NDUFAF6: variants seen among roughly 807,000 people sequenced by gnomAD.
NDUFAF6 encodes NADH:ubiquinone oxidoreductase complex assembly factor 6, also known as NADH dehydrogenase (ubiquinone) complex I, assembly factor 6.
Under a neutral mutation model 40.8 loss-of-function variants are expected in NDUFAF6, and 45 were observed. The ratio of observed to expected loss-of-function variants is 1.10; its 90% CI spans 0.87 to 1.42. The LOEUF is 1.42. NDUFAF6 is among the 40% of genes most tolerant of loss of function. The pLI is 0.00. For missense variants in NDUFAF6, 435 were observed against 418.5 expected (o/e 1.04, Z -0.34); for synonymous variants, 185 against 155.9 (o/e 1.19, Z -1.39).
chr8:94,955,223 C>T, upstream of NDUFAF6, among the ~76,000 whole-genome samples: 1 of 152,206 alleles, frequency 6.6e-6, no homozygotes, highest in East Asian at 1.9e-4. Context: ...GTTGCTATAA[C>T]AGAATACCTG....
At chr8:95,097,052 GCACACTCTCTGGGCCCCTGGGC>G (rs1204232949), upstream of NDUFAF6, among the ~76,000 whole-genome samples, 1 of 152,204 alleles carries the variant, frequency 6.6e-6, no homozygotes, top group Non-Finnish European at 1.5e-5. Flanking sequence ...AAGGAGAGAC[GCACACTCTCTGGGCCCCTGGGC>G]CAGTGAACAG....
At chr8:95,084,433 A>G (rs976760651) in intron 2 of NDUFAF6, among the ~76,000 whole-genome samples, 2 of 152,218 alleles carry the variant, frequency 1.3e-5, no homozygotes, top group Admixed American at 6.5e-5. Flanking sequence ...CTGCCTCATC[A>G]TATTTTTTAA....
chr8:94,908,814 C>G (rs1035007688), intron 1 of NDUFAF6, among the ~76,000 whole-genome samples: 3 of 152,160 alleles, frequency 2.0e-5, no homozygotes, highest in African/African-American at 7.2e-5. Flanking sequence ...GAGGGCTTCT[C>G]TAAGATTATT....
intron 2 of NDUFAF6, among the ~76,000 whole-genome samples, chr8:95,007,922 C>T (rs909982913): frequency 2.0e-5 from 3 of 152,024 alleles, no homozygotes; most frequent in Admixed American, 6.5e-5. Flanking sequence ...CGGGGTCTCA[C>T]TATGTTGCCC....
downstream of NDUFAF6, among the ~76,000 whole-genome samples, chr8:95,063,258 A>G (rs1459135931): frequency 6.6e-6 from 1 of 152,220 alleles, no homozygotes; most frequent in Non-Finnish European, 1.5e-5. Flanking sequence ...ATGAGATAGA[A>G]TGTTTTTATT....
upstream of NDUFAF6, among the ~76,000 whole-genome samples, chr8:95,021,104 T>C (rs1827675890): frequency 6.6e-6 from 1 of 152,224 alleles, no homozygotes; most frequent in Admixed American, 6.5e-5. Context: ...TCTTTCTACA[T>C]GTCTTTTTGC....
At chr8:95,054,591 T>A (rs1032051992) in intron 8 of NDUFAF6, among the ~76,000 whole-genome samples, 1 of 152,080 alleles carries the variant, frequency 6.6e-6, no homozygotes, top group Non-Finnish European at 1.5e-5. Flanking sequence ...TGCGCCACCA[T>A]GCCCCGCTAA....
chr8:95,067,830 C>T (rs1332781820), intron 9 of NDUFAF6: 2 of 151,962 alleles, frequency 1.3e-5, no homozygotes, highest in African/African-American at 4.9e-5. Context: ...AGTGTGGTCT[C>T]CGCTGACACC....
upstream of NDUFAF6, among the ~76,000 whole-genome samples, chr8:95,096,028 C>G (rs930626880): frequency 1.3e-5 from 2 of 152,202 alleles, no homozygotes. Flanking sequence ...CTTCTAAAGC[C>G]TAGCTCCTTC....
At chr8:95,052,525 C>T (rs958856311) in intron 8 of NDUFAF6, among the ~76,000 whole-genome samples, 1 of 152,156 alleles carries the variant, frequency 6.6e-6, no homozygotes, top group African/African-American at 2.4e-5. Flanking sequence ...AACCACATTC[C>T]TCAGTTTACT....
intron 2 of NDUFAF6, among the ~76,000 whole-genome samples, chr8:94,985,349 CTTTG>C (rs1330520701): frequency 1.3e-5 from 2 of 150,186 alleles, no homozygotes; most frequent in African/African-American, 4.9e-5. Context: ...ATATGCCACT[CTTTG>C]TTTGGAATAT....
chr8:94,931,661 G>GA (rs1442562267), intron 1 of NDUFAF6, among the ~76,000 whole-genome samples: 1 of 151,728 alleles, frequency 6.6e-6, no homozygotes, highest in East Asian at 1.9e-4. Flanking sequence ...GAAACTAATA[G>GA]AAAAAAGTTA....
chr8:94,996,320 C>G (rs1013161199), intron 2 of NDUFAF6, among the ~76,000 whole-genome samples: 4 of 152,208 alleles, frequency 2.6e-5, no homozygotes, highest in Admixed American at 2.0e-4. Flanking sequence ...AAGAATCACA[C>G]ATCTTCTCTA....
chr8:94,990,151 T>C (rs1031632562), intron 2 of NDUFAF6, among the ~76,000 whole-genome samples: 3 of 152,240 alleles, frequency 2.0e-5, no homozygotes, highest in Non-Finnish European at 2.9e-5. Flanking sequence ...AGGCTTGGTC[T>C]AGTCATGCCA....
At chr8:95,018,171 C>T (rs1273676306) in intron 2 of NDUFAF6, among the ~76,000 whole-genome samples, 1 of 151,030 alleles carries the variant, frequency 6.6e-6, no homozygotes, top group Admixed American at 6.6e-5. Context: ...CTTTGAGTAG[C>T]TGGGACCACA....
At chr8:94,939,270 T>G (rs1821287043) in intron 1 of NDUFAF6, among the ~76,000 whole-genome samples, 1 of 152,184 alleles carries the variant, frequency 6.6e-6, no homozygotes, top group Non-Finnish European at 1.5e-5. Context: ...AAAGTCAGAG[T>G]TATGTTCTAA....
chr8:94,958,522 CTTT>C (rs55703438), intron 1 of NDUFAF6, among the ~76,000 whole-genome samples: 36 of 71,258 alleles, frequency 5.1e-4, no homozygotes, highest in African/African-American at 1.9e-3. Flanking sequence ...TAGTCACATT[CTTT>C]TTTTTTTTTT....
At position 94,972,735 on chromosome 8, in the gene NDUFAF6, T is replaced by TAAAAA. The variant is rs558408157; in HGVS notation, c.-198-8115_-198-8111dup. 2.2e-3 allele frequency among the ~76,000 whole-genome samples: 295 copies of TAAAAA among 132,720 alleles called. 19 individuals are homozygous for TAAAAA. The highest frequency in any genetic ancestry group is 3.2e-3 in the Non-Finnish European group (205 of 63,944). 87.1% of individuals were successfully genotyped at this position (132,720 alleles called of 152,430 possible). On this transcript the variant is annotated intron_variant, in intron 1 of 9. Transcript: ENST00000396111. The stretch of plus-strand genomic sequence containing the variant: ...GCAAGACCCTGTCTCTACTGAAACT[T>TAAAAA]AAAAAAAAAAAAAGATCATCCAGGC...
In NDUFAF6 at chr8:95,058,014, G is replaced by A; in HGVS notation, c.*77G>A. On this transcript the variant is annotated 3_prime_UTR_variant, in exon 9 of 9. Transcript: ENST00000396124. ...TAGGATTCTTATTTAGGAACAACAGGAAATGACTGTTAAGGAGAAAATGAA... is the reference window on the plus strand; with the variant it reads ...TAGGATTCTTATTTAGGAACAACAGAAAATGACTGTTAAGGAGAAAATGAA... 2 of 1,518,728 alleles carry A rather than the reference G, an allele frequency of 1.3e-6. No individual in the cohort carries two copies. The highest frequency in any genetic ancestry group is 1.8e-6 in the Non-Finnish European group (2 of 1,125,888). 94.1% of individuals were successfully genotyped at this position (1,518,728 alleles called of 1,614,324 possible). A position where few individuals can be genotyped will look rare whatever the true frequency, so the allele number is the denominator to read the frequency against.
Sources: gnomAD v4.1 joint callset for allele counts (sites outside exome capture counted in the v4.1 genomes callset) on GRCh38, gnomAD v4.1.1 for gene constraint, MANE v1.5 for transcripts, NCBI Gene and HGNC (gene_info 2026-07-23, HGNC 2026-07-21) for gene names.